EDIL3: variants seen among roughly 807,000 people sequenced by gnomAD.
EDIL3 encodes the protein EGF-like repeat and discoidin I-like domain-containing protein 3.
In EDIL3, 37 loss-of-function variants were observed where a neutral mutation model predicts 67.4. That is an observed-to-expected ratio of 0.55 (90% CI 0.42 to 0.72). The LOEUF (loss-of-function observed/expected upper bound fraction) is 0.72, where lower values mean the gene tolerates loss of function less well. Ranked by LOEUF, EDIL3 falls within the 30% of genes least tolerant of loss-of-function variation. The pLI, the probability that EDIL3 is intolerant of heterozygous loss-of-function variation, is 0.00. For missense variants in EDIL3, 527 were observed against 586.3 expected (o/e 0.90, Z 1.04); for synonymous variants, 195 against 196.3 (o/e 0.99, Z 0.05).
intron 9 of EDIL3, among the ~76,000 whole-genome samples, chr5:84,005,664 C>T (rs151204748): frequency 4.7e-4 from 72 of 152,006 alleles, no homozygotes; most frequent in Non-Finnish European, 8.2e-4. Context: ...GGCATCAAAG[C>T]GACATACCTC....
intron 9 of EDIL3, among the ~76,000 whole-genome samples, chr5:84,043,346 G>A (rs1176944797): frequency 6.6e-6 from 1 of 152,142 alleles, no homozygotes; most frequent in Non-Finnish European, 1.5e-5. Context: ...AGATGAAATT[G>A]ATAACAATGC....
chr5:84,120,246 G>A (rs983645980), intron 5 of EDIL3, among the ~76,000 whole-genome samples: 1 of 151,908 alleles, frequency 6.6e-6, no homozygotes, highest in East Asian at 1.9e-4. Context: ...CTATATATAG[G>A]AGTGTGGCTT....
rs980388546 is a variant in EDIL3 at position 84,355,486 on chromosome 5, T to C, written c.67+28822A>G. ...ACCTTCTGAAGCCTACTTCTGACAA[T>C]TTGTCAAACTCATTCTCCATCCAGT... On this transcript the variant is annotated intron_variant, in intron 1 of 10. Transcript: ENST00000296591. Among the ~76,000 whole-genome samples the C allele has an allele frequency of 3.3e-5, 5 of 152,200 alleles. No homozygotes were observed. The East Asian group carries it at 7.8e-4, about 24-fold the overall frequency.
chr5:84,076,097 C>A (rs990346806), intron 6 of EDIL3, among the ~76,000 whole-genome samples: 10 of 151,342 alleles, frequency 6.6e-5, no homozygotes, highest in Admixed American at 5.3e-4. Context: ...TTATATTGTT[C>A]AAAAACAAAC....
intron 3 of EDIL3, among the ~76,000 whole-genome samples, chr5:84,227,252 C>T (rs1744468669): frequency 6.6e-6 from 1 of 151,728 alleles, no homozygotes; most frequent in Non-Finnish European, 1.5e-5. Context: ...AAAAAACAAC[C>T]CCAGTAAAAA....
chr5:84,316,036 A>T (rs1003619184), intron 1 of EDIL3, among the ~76,000 whole-genome samples: 6 of 152,214 alleles, frequency 3.9e-5, no homozygotes, highest in Non-Finnish European at 7.3e-5. Context: ...GGAGAAATAA[A>T]AGGCTTTACA....
chr5:84,223,656 C>T (rs1260070186), intron 3 of EDIL3, among the ~76,000 whole-genome samples: 1 of 151,342 alleles, frequency 6.6e-6, no homozygotes, highest in Non-Finnish European at 1.5e-5. Context: ...TCAAATGGTA[C>T]AAAGTTCTTA....
intron 9 of EDIL3, among the ~76,000 whole-genome samples, chr5:83,970,356 T>C (rs185441910): frequency 1.3e-5 from 2 of 148,280 alleles, no homozygotes; most frequent in East Asian, 3.9e-4. Flanking sequence ...ATTATTTATA[T>C]AGTATCATAT....
intron 2 of EDIL3, among the ~76,000 whole-genome samples, chr5:84,230,809 CACTT>C (rs1168929198): frequency 8.9e-5 from 6 of 67,080 alleles, no homozygotes; most frequent in East Asian, 5.7e-4. Context: ...GACATACACA[CACTT>C]ACATATACCA....
chr5:84,267,370 T>C (rs1288562148), intron 1 of EDIL3, among the ~76,000 whole-genome samples: 1 of 152,240 alleles, frequency 6.6e-6, no homozygotes, highest in Admixed American at 6.5e-5. Flanking sequence ...GTTATTAACA[T>C]GGCTATGCCC....
At chr5:84,045,594 G>A (rs1259436607) in intron 9 of EDIL3, among the ~76,000 whole-genome samples, 1 of 152,070 alleles carries the variant, frequency 6.6e-6, no homozygotes, top group African/African-American at 2.4e-5. Flanking sequence ...GCAGATAAAT[G>A]TGTCCTTAGT....
intron 9 of EDIL3, among the ~76,000 whole-genome samples, chr5:84,024,966 ATC>A (rs371274997): frequency 1.0e-3 from 151 of 151,614 alleles, no homozygotes; most frequent in African/African-American, 3.4e-3. Flanking sequence ...AAGAAGAGCT[ATC>A]TCTCTCTCTC....
At chr5:84,229,147 T>A (rs1744510672) in intron 3 of EDIL3, among the ~76,000 whole-genome samples, 1 of 152,188 alleles carries the variant, frequency 6.6e-6, no homozygotes, top group Non-Finnish European at 1.5e-5. Flanking sequence ...ATTCTTATAA[T>A]TGTGTCTGGT....
rs1185885137 is a variant in EDIL3 at position 83,948,281 on chromosome 5, T to A, written c.1294-4713A>T. ...TTTTGTGGCTGACATAAGGGACAGA[T>A]GCTTATTAATTTATAGTTCAGGATC... is the stretch of plus-strand genomic sequence containing the variant. On this transcript the variant is annotated intron_variant, in intron 10 of 10. Coordinates refer to ENST00000296591, the MANE Select transcript of EDIL3 (RefSeq NM_005711.5). Among the ~76,000 whole-genome samples, 4 of 151,716 alleles carry A rather than the reference T, an allele frequency of 2.6e-5. No individual in the cohort carries two copies. In the East Asian group the frequency reaches 7.8e-4, roughly 30 times the overall value.
At chr5:84,381,373 C>T (rs1404208762) in intron 1 of EDIL3, among the ~76,000 whole-genome samples, 6 of 151,918 alleles carry the variant, frequency 3.9e-5, no homozygotes, top group Non-Finnish European at 5.9e-5. Context: ...GTATGTTTTA[C>T]CTTGACTCTG....
chr5:84,157,264 C>T (rs921392684), intron 4 of EDIL3, among the ~76,000 whole-genome samples: 1 of 151,880 alleles, frequency 6.6e-6, no homozygotes, highest in Non-Finnish European at 1.5e-5. Flanking sequence ...GTACAACAAA[C>T]CCCCAAGACA....
intron 5 of EDIL3, 96 bp from the exon 6 acceptor site, chr5:84,106,926 G>T: frequency 7.6e-7 from 1 of 1,321,874 alleles, no homozygotes; most frequent in Non-Finnish European, 1.0e-6. Flanking sequence ...TAAATGATTT[G>T]AATTTGCACC....
At chr5:84,016,631 A>G (rs421508) in intron 9 of EDIL3, among the ~76,000 whole-genome samples, 94,708 of 151,972 alleles carry the variant, frequency 0.62, 30,362 homozygotes, top group East Asian at 0.75. Context: ...TGTAATGCAC[A>G]AAACTATTAA....
chr5:84,291,460 ACCC>A, intron 1 of EDIL3, among the ~76,000 whole-genome samples: 1 of 151,970 alleles, frequency 6.6e-6, no homozygotes, highest in Non-Finnish European at 1.5e-5. Context: ...AAACAAAACA[ACCC>A]TGAAAGGTGG....
Sources: gnomAD v4.1 joint callset for allele counts (sites outside exome capture counted in the v4.1 genomes callset) on GRCh38, gnomAD v4.1.1 for gene constraint, MANE v1.5 for transcripts, NCBI Gene and HGNC (gene_info 2026-07-23, HGNC 2026-07-21) for gene names.